Variants in KLHL25 observed in about 807,000 individuals in gnomAD.
KLHL25 encodes the protein kelch-like protein 25.
A neutral mutation model predicts 30.0 loss-of-function variants in KLHL25; 41 were observed. The observed-to-expected ratio is 1.37, with a 90% CI of 1.07 to 1.78. The LOEUF (loss-of-function observed/expected upper bound fraction) is 1.78, where lower values mean the gene tolerates loss of function less well. Ranked by LOEUF, KLHL25 falls within the 40% of genes most tolerant of loss-of-function variation. KLHL25 has a pLI of 0.00. For missense variants in KLHL25, 971 were observed against 824.5 expected, an observed-to-expected ratio of 1.18 and a Z score of -2.18; for synonymous variants, 399 against 355.3, an observed-to-expected ratio of 1.12 and a Z score of -1.38.
chr15:85,770,620 C>G (rs575283858), intron 1 of KLHL25: 3 of 515,554 alleles, frequency 5.8e-6, no homozygotes, highest in South Asian at 2.9e-5. Flanking sequence ...GACTCACCCT[C>G]GAGACCAACG....
intron 1 of KLHL25, among the ~76,000 whole-genome samples, chr15:85,791,034 T>C (rs959237521): frequency 6.6e-6 from 1 of 151,174 alleles, no homozygotes; most frequent in African/African-American, 2.4e-5. Context: ...ACCCTGTCTC[T>C]ACTAAAAATA....
intron 1 of KLHL25, among the ~76,000 whole-genome samples, chr15:85,791,605 G>T (rs2089817336): frequency 6.6e-6 from 1 of 151,968 alleles, no homozygotes; most frequent in African/African-American, 2.4e-5. Context: ...AGAAAGAGTG[G>T]CAAGAGAGGT....
intron 2 of KLHL25, among the ~76,000 whole-genome samples, chr15:85,765,742 G>C (rs2089618604): frequency 6.7e-6 from 1 of 149,110 alleles, no homozygotes; most frequent in South Asian, 2.1e-4. Flanking sequence ...TGAGGAACGA[G>C]AATTCCTTGA....
At chr15:85,776,183 A>AAG (rs1555470187) in intron 1 of KLHL25, among the ~76,000 whole-genome samples, 2 of 149,308 alleles carry the variant, frequency 1.3e-5, no homozygotes, top group South Asian at 2.1e-4. Context: ...AAAAAAAAAA[A>AAG]AAAGAAAGAA....
At chr15:85,779,970 G>A (rs749016239) in intron 1 of KLHL25, among the ~76,000 whole-genome samples, 4 of 152,096 alleles carry the variant, frequency 2.6e-5, no homozygotes, top group Non-Finnish European at 4.4e-5. Flanking sequence ...ATGTCATACC[G>A]TCCTAAAAGT....
rs553691423 is a variant in KLHL25, at chr15:85,788,228, A to C, written c.-11+6538T>G. ...CTCATGATGTCTCTGTCCGCAGCCC[A>C]CGCAGGCCCAGCCTTTGCACGAGCT... is the stretch of plus-strand genomic sequence containing the variant. On this transcript the variant is annotated intron_variant, in intron 1 of 2. Coordinates refer to ENST00000337975, the MANE Select transcript of KLHL25 (RefSeq NM_022480.4). Among the ~76,000 whole-genome samples, 9 of 152,268 alleles carry C rather than the reference A, an allele frequency of 5.9e-5. No homozygotes were observed. In the East Asian group the frequency reaches 1.7e-3, roughly 29 times the overall value.
intron 1 of KLHL25, among the ~76,000 whole-genome samples, chr15:85,775,143 C>T (rs1193883523): frequency 6.6e-6 from 1 of 152,216 alleles, no homozygotes; most frequent in Non-Finnish European, 1.5e-5. Context: ...TCCCAAAGTG[C>T]TGGGATTACA....
At position 85,770,362 on chromosome 15, in the gene KLHL25, G is replaced by T. The variant is rs535060181; in HGVS notation, c.-10-542C>A. On this transcript the variant is annotated intron_variant, in intron 1 of 2. Coordinates refer to ENST00000337975, the MANE Select transcript of KLHL25 (RefSeq NM_022480.4). ...CTGGAGCCTGATCTCTGTTCAAGGT[G>T]ACTAATCCCTGCAGGGTTTGCTGTG... 14 of 445,506 alleles carry T rather than the reference G, an allele frequency of 3.1e-5. No homozygotes were observed. In the East Asian group the frequency reaches 9.7e-4, roughly 31 times the overall value. The allele number at this position is 445,506 out of a possible 1,614,324, so 27.6% of individuals were successfully genotyped here.
At chr15:85,767,799 TA>T (rs1277320335) in intron 2 of KLHL25, among the ~76,000 whole-genome samples, 1 of 152,228 alleles carries the variant, frequency 6.6e-6, no homozygotes, top group Non-Finnish European at 1.5e-5. Flanking sequence ...TAACCATGGT[TA>T]CTGTCCCCAT....
intron 1 of KLHL25, among the ~76,000 whole-genome samples, chr15:85,788,447 G>T (rs1235029803): frequency 6.6e-6 from 1 of 152,170 alleles, no homozygotes; most frequent in Non-Finnish European, 1.5e-5. Flanking sequence ...CTGAATGTGG[G>T]ATCAGGAGAG....
chr15:85,776,172 C>CAAAA (rs60382493), intron 1 of KLHL25, among the ~76,000 whole-genome samples: 2 of 127,304 alleles, frequency 1.6e-5, no homozygotes, highest in Non-Finnish European at 3.3e-5. Flanking sequence ...GACTCTGTCT[C>CAAAA]AAAAAAAAAA....
Position 85,760,298 on chromosome 15 carries a change from G to A in KLHL25, c.*738C>T, listed in dbSNP as rs775742683. The A allele has an allele frequency of 5.9e-4, 90 of 152,418 alleles. No individual in the cohort carries two copies. The highest frequency in any genetic ancestry group is 8.8e-4 in the Non-Finnish European group (60 of 68,114). 9.4% of individuals were successfully genotyped at this position (152,418 alleles called of 1,614,324 possible). The stretch of plus-strand genomic sequence containing the variant: ...GGGAGGGGTGACCCCCAGGGCACTC[G>A]GAGCCTTGAGTCTGCTGCAGGCCCA... On this transcript the variant is annotated 3_prime_UTR_variant, in exon 3 of 3. Coordinates refer to ENST00000337975, the MANE Select transcript of KLHL25 (RefSeq NM_022480.4).
chr15:85,770,440 C>A (rs2089663128), intron 1 of KLHL25: 1 of 518,930 alleles, frequency 1.9e-6, no homozygotes, highest in Non-Finnish European at 4.0e-6. Flanking sequence ...GCAGGCTCTG[C>A]CCTGGGCCGG....
chr15:85,780,433 T>C (rs1356109696), intron 1 of KLHL25, among the ~76,000 whole-genome samples: 1 of 152,200 alleles, frequency 6.6e-6, no homozygotes, highest in African/African-American at 2.4e-5. Context: ...GCCTGGCCCT[T>C]TGCAAACAGA....
chr15:85,784,419 T>C (rs1245962605), intron 1 of KLHL25, among the ~76,000 whole-genome samples: 1 of 152,092 alleles, frequency 6.6e-6, no homozygotes, highest in African/African-American at 2.4e-5. Context: ...TAATCCCAGC[T>C]ACTCAGGAGG....
rs187203857 is a variant in KLHL25, at chr15:85,775,002, G to A, written c.-10-5182C>T. ...AGCAATTCTCCTGCCTCAGCCTCCC[G>A]AGTAGCTGGGATTACAGGCGCCCGC... On this transcript the variant is annotated intron_variant, in intron 1 of 2. Coordinates refer to ENST00000337975, the MANE Select transcript of KLHL25 (RefSeq NM_022480.4). Among the ~76,000 whole-genome samples, 21 of 151,022 alleles carry A rather than the reference G, an allele frequency of 1.4e-4. No individual in the cohort carries two copies. In the South Asian group the frequency reaches 3.8e-3, roughly 27 times the overall value.
intron 2 of KLHL25, among the ~76,000 whole-genome samples, chr15:85,764,729 C>T (rs1173962267): frequency 6.6e-6 from 1 of 152,204 alleles, no homozygotes; most frequent in Non-Finnish European, 1.5e-5. Context: ...TTGCAGCCCA[C>T]AGCACCCCAA....
rs759473862 is a variant in KLHL25 at position 85,769,252 on chromosome 15, TGTTGAA to T, written c.553_558del (p.Phe185_Asn186del). ...TCCAGCAGTGTGTCCTTGGACAGGC[TGTTGAA>T]GTCCTCGCTCTGCCTCACCGTCTCA... On this transcript the variant is annotated inframe_deletion, in exon 2 of 3. Coordinates refer to ENST00000337975, the MANE Select transcript of KLHL25 (RefSeq NM_022480.4). The T allele has an allele frequency of 1.9e-6, 3 of 1,613,878 alleles. No homozygotes were observed. Among genetic ancestry groups the T allele is most frequent in the Non-Finnish European group, 2.5e-6 (3 of 1,180,032 alleles).
intron 1 of KLHL25, among the ~76,000 whole-genome samples, chr15:85,786,245 G>A (rs1349644133): frequency 9.9e-5 from 15 of 152,142 alleles, no homozygotes; most frequent in Non-Finnish European, 2.2e-4. Flanking sequence ...TTCCAAGTAG[G>A]TCAGGCTGGC....
Sources: allele counts gnomAD v4.1 joint callset (sites outside exome capture counted in the v4.1 genomes callset), GRCh38; gene constraint gnomAD v4.1.1; transcripts MANE v1.5; gene names NCBI Gene and HGNC (gene_info 2026-07-23, HGNC 2026-07-21).